The following CHRM2 variants were observed in gnomAD, a reference collection of about 807,000 sequenced individuals.
CHRM2 encodes muscarinic acetylcholine receptor M2.
In CHRM2, 8 loss-of-function variants were observed where a neutral mutation model predicts 25.0. The observed-to-expected ratio is 0.32, with a 90% CI of 0.19 to 0.58. The LOEUF (loss-of-function observed/expected upper bound fraction) is 0.58. Among genes scored for constraint, CHRM2 ranks in the 20% least tolerant of loss-of-function variants. The pLI is 0.88. For synonymous variants in CHRM2, 202 were observed against 205.7 expected (o/e 0.98, Z 0.15); for missense variants, 440 against 567.1 (o/e 0.78, Z 2.28).
intron 2 of CHRM2, among the ~76,000 whole-genome samples, chr7:136,873,829 G>A (rs2130461950): frequency 6.6e-6 from 1 of 152,340 alleles, no homozygotes. Flanking sequence ...AAGCAAAGAA[G>A]AGGCAGTGCT....
At chr7:136,885,094 ACTTGCTTCAAT>A (rs979056573) in intron 2 of CHRM2, among the ~76,000 whole-genome samples, 1 of 152,240 alleles carries the variant, frequency 6.6e-6, no homozygotes, top group African/African-American at 2.4e-5. Context: ...CTGAAAGCTA[ACTTGCTTCAAT>A]CTTTTTAGAA....
At chr7:137,004,287 AC>A (rs1327176263) in intron 3 of CHRM2, among the ~76,000 whole-genome samples, 1 of 152,178 alleles carries the variant, frequency 6.6e-6, no homozygotes, top group East Asian at 1.9e-4. Flanking sequence ...GAAAAAATGT[AC>A]TGAGGACATT....
intron 3 of CHRM2, among the ~76,000 whole-genome samples, chr7:137,002,599 G>A (rs1218663315): frequency 6.6e-6 from 1 of 152,158 alleles, no homozygotes; most frequent in African/African-American, 2.4e-5. Context: ...GTTTTAAATT[G>A]ACATTTCTTG....
intron 2 of CHRM2, among the ~76,000 whole-genome samples, chr7:136,966,632 A>G (rs1296765372): frequency 1.3e-5 from 2 of 151,900 alleles, no homozygotes; most frequent in African/African-American, 4.8e-5. Context: ...AATATTCTAT[A>G]CAAATTCTGA....
chr7:136,898,537 G>T (rs1304111188), intron 2 of CHRM2, among the ~76,000 whole-genome samples: 1 of 150,006 alleles, frequency 6.7e-6, no homozygotes, highest in Non-Finnish European at 1.5e-5. Context: ...GTGTGTGTCT[G>T]TGTGTGTTTA....
At chr7:136,898,942 T>C (rs547757436) in intron 2 of CHRM2, 1 of 152,210 alleles carries the variant, frequency 6.6e-6, no homozygotes, top group South Asian at 2.1e-4. Flanking sequence ...AGACTTAATC[T>C]GTTAATTTAT....
At chr7:136,958,132 T>G (rs2130880427) in intron 2 of CHRM2, among the ~76,000 whole-genome samples, 2 of 152,324 alleles carry the variant, frequency 1.3e-5, no homozygotes, top group East Asian at 3.9e-4. Flanking sequence ...CAGCACATTT[T>G]TATGCTAACG....
At chr7:136,978,313 A>G (rs1802243513) in intron 2 of CHRM2, among the ~76,000 whole-genome samples, 1 of 152,224 alleles carries the variant, frequency 6.6e-6, no homozygotes, top group African/African-American at 2.4e-5. Context: ...TTCATTTAGC[A>G]TGGCATACAC....
At chr7:136,899,050 C>G (rs1304030743) in intron 2 of CHRM2, 4 of 151,980 alleles carry the variant, frequency 2.6e-5, no homozygotes, top group Non-Finnish European at 4.4e-5. Context: ...TACAGTTATT[C>G]TTCGGAAACT....
chr7:136,934,303 C>T (rs1168648442), intron 2 of CHRM2, among the ~76,000 whole-genome samples: 1 of 152,050 alleles, frequency 6.6e-6, no homozygotes, highest in Non-Finnish European at 1.5e-5. Flanking sequence ...TCAGTCTCTT[C>T]CTGGATAGTA....
intron 3 of CHRM2, among the ~76,000 whole-genome samples, chr7:137,014,540 T>C (rs191187463): frequency 6.6e-6 from 1 of 152,104 alleles, no homozygotes; most frequent in African/African-American, 2.4e-5. Flanking sequence ...TGATGAGATA[T>C]ATAGGTAGAT....
At chr7:136,954,271 A>T (rs1473256788) in intron 2 of CHRM2, among the ~76,000 whole-genome samples, 2 of 152,180 alleles carry the variant, frequency 1.3e-5, no homozygotes, top group African/African-American at 4.8e-5. Context: ...CCATTATTTT[A>T]AAAAGTTGGT....
intron 2 of CHRM2, among the ~76,000 whole-genome samples, chr7:136,904,344 T>C (rs988519010): frequency 2.0e-5 from 3 of 151,890 alleles, no homozygotes; most frequent in African/African-American, 7.2e-5. Flanking sequence ...ACTTGCCTAT[T>C]CACATTTTCT....
chr7:136,888,908 C>T (rs1386128137), intron 2 of CHRM2, among the ~76,000 whole-genome samples: 3 of 151,698 alleles, frequency 2.0e-5, no homozygotes, highest in African/African-American at 7.3e-5. Context: ...ATTAGCCGGG[C>T]GTGGTGGCGG....
At chr7:136,996,501 T>C (rs1803613879) in intron 3 of CHRM2, among the ~76,000 whole-genome samples, 1 of 152,162 alleles carries the variant, frequency 6.6e-6, no homozygotes, top group South Asian at 2.1e-4. Context: ...TCATGAATTA[T>C]GATTGGGATT....
chr7:136,879,013 G>A lies in CHRM2; in HGVS notation c.-125+9595G>A, dbSNP rs545982868. On this transcript the variant is annotated intron_variant, in intron 2 of 3. Transcript: ENST00000680005. ...TGAAGTCATGAAAACAGACTTCATG[G>A]TAAAGGAATCAGTCTTAGGTGAAGT... is the stretch of plus-strand genomic sequence containing the variant. 3.1e-4 allele frequency among the ~76,000 whole-genome samples: 47 copies of A among 151,998 alleles called. 1 individual carries two copies. The South Asian group carries it at 9.7e-3, about 32-fold the overall frequency.
intron 2 of CHRM2, among the ~76,000 whole-genome samples, chr7:136,884,365 T>C (rs79646185): frequency 6.6e-6 from 1 of 152,216 alleles, no homozygotes; most frequent in Admixed American, 6.5e-5. Flanking sequence ...TGTATTTTGA[T>C]GTCATCTCTC....
At chr7:136,977,976 C>T (rs1211495417) in intron 2 of CHRM2, among the ~76,000 whole-genome samples, 1 of 151,996 alleles carries the variant, frequency 6.6e-6, no homozygotes. Flanking sequence ...TATGGTATTC[C>T]CGTACCATTT....
At chr7:136,882,798 A>G (rs562199805) in intron 2 of CHRM2, among the ~76,000 whole-genome samples, 10 of 152,216 alleles carry the variant, frequency 6.6e-5, no homozygotes, top group African/African-American at 2.4e-4. Context: ...AATCTAATTA[A>G]TCTGAAACAC....
Sources: gnomAD v4.1 joint callset for allele counts (sites outside exome capture counted in the v4.1 genomes callset) on GRCh38, gnomAD v4.1.1 for gene constraint, MANE v1.5 for transcripts, NCBI Gene and HGNC (gene_info 2026-07-23, HGNC 2026-07-21) for gene names.